Variants in MSRA observed in about 807,000 individuals in gnomAD.
MSRA encodes the protein methionine sulfoxide reductase A, also known as mitochondrial peptide methionine sulfoxide reductase.
A neutral mutation model predicts 31.3 loss-of-function variants in MSRA; 54 were observed. That is an observed-to-expected ratio of 1.73 (90% CI 1.39 to 2.17). The LOEUF (loss-of-function observed/expected upper bound fraction) is 2.17. Ranked by LOEUF, MSRA falls within the 30% of genes most tolerant of loss-of-function variation. The probability of loss-of-function intolerance (pLI) is 0.00; values close to 1 mark genes in which losing one functional copy is unlikely to be tolerated. For synonymous variants in MSRA, 169 were observed against 116.5 expected (o/e 1.45, Z -2.90); for missense variants, 507 against 300.9 (o/e 1.69, Z -5.07).
chr8:10,427,587 C>A lies in MSRA; in HGVS notation c.544-561C>A, dbSNP rs929986534. 2.6e-5 allele frequency among the ~76,000 whole-genome samples: 4 copies of A among 152,146 alleles called. No individual in the cohort carries two copies. In the East Asian group the frequency reaches 7.7e-4, roughly 29 times the overall value. ...AGGGTCCTTCTCCCCAGAGCCACAG[C>A]GAGTGAGGGGACACTCTGTCTATCC... On this transcript the variant is annotated intron_variant, in intron 5 of 5. Transcript: ENST00000317173.
chr8:10,280,630 C>T (rs1014222566), intron 3 of MSRA, among the ~76,000 whole-genome samples: 2 of 152,166 alleles, frequency 1.3e-5, no homozygotes, highest in African/African-American at 4.8e-5. Context: ...AAAGGTTAAA[C>T]ATAGGGTTAG....
At chr8:10,057,014 A>G (rs2128910015) in intron 1 of MSRA, among the ~76,000 whole-genome samples, 1 of 152,292 alleles carries the variant, frequency 6.6e-6, no homozygotes, top group East Asian at 1.9e-4. Context: ...TACCATTTTT[A>G]TATTCTTAAG....
chr8:10,404,245 G>A (rs554224897), intron 5 of MSRA, among the ~76,000 whole-genome samples: 2 of 152,206 alleles, frequency 1.3e-5, no homozygotes, highest in African/African-American at 2.4e-5. Flanking sequence ...TAGCAAGGCA[G>A]GGACCTTCCC....
chr8:10,141,966 T>C (rs57483394), intron 1 of MSRA, among the ~76,000 whole-genome samples: 2,704 of 152,284 alleles, frequency 0.018, 68 homozygotes, highest in African/African-American at 0.059. Flanking sequence ...TTTTTTTGTT[T>C]GTTTGTTTGG....
intron 5 of MSRA, among the ~76,000 whole-genome samples, chr8:10,324,174 G>C (rs996286442): frequency 6.6e-6 from 1 of 152,198 alleles, no homozygotes; most frequent in Admixed American, 6.5e-5. Context: ...TTGAGCACTT[G>C]AAATAGTGGC....
chr8:10,083,139 AT>A lies in MSRA; in HGVS notation c.142+28488del, dbSNP rs537635238. On this transcript the variant is annotated intron_variant, in intron 1 of 5. Transcript: ENST00000317173. ...CTCATCCAACTTATCACTCAGATACATTTTTTTCTGTGTTAAAAATATAAAG... is the reference window on the plus strand; with the variant it reads ...CTCATCCAACTTATCACTCAGATACATTTTTTCTGTGTTAAAAATATAAAG... Among the ~76,000 whole-genome samples the A allele has an allele frequency of 5.9e-5, 9 of 152,204 alleles. 1 individual carries two copies. The South Asian group carries it at 1.2e-3, about 21-fold the overall frequency.
intron 4 of MSRA, 30 bp downstream of exon 4, chr8:10,301,668 T>A (rs752379245): frequency 6.5e-7 from 1 of 1,546,810 alleles, no homozygotes; most frequent in Non-Finnish European, 8.9e-7. Flanking sequence ...AGTATTTAAT[T>A]ATCTTACTAA....
chr8:10,339,557 T>C (rs1288634121), intron 5 of MSRA, among the ~76,000 whole-genome samples: 6 of 37,084 alleles, frequency 1.6e-4, no homozygotes, highest in Admixed American at 4.3e-4. Context: ...TTTTTTTTTT[T>C]CTGAGACGGA....
intron 1 of MSRA, among the ~76,000 whole-genome samples, chr8:10,176,525 G>A (rs939789031): frequency 6.6e-6 from 1 of 152,220 alleles, no homozygotes; most frequent in Non-Finnish European, 1.5e-5. Context: ...CTTCATGGTA[G>A]GGTCCAGGGC....
chr8:10,363,508 G>C (rs1024922874), intron 5 of MSRA, among the ~76,000 whole-genome samples: 3 of 152,072 alleles, frequency 2.0e-5, no homozygotes, highest in Non-Finnish European at 4.4e-5. Flanking sequence ...AGGCCCTACC[G>C]TGCCTGTCTT....
chr8:10,063,768 C>G (rs1432885544), intron 1 of MSRA, among the ~76,000 whole-genome samples: 2 of 152,230 alleles, frequency 1.3e-5, no homozygotes, highest in African/African-American at 2.4e-5. Context: ...GCGCTTTGAT[C>G]TTGGACTTCC....
chr8:10,375,488 T>C (rs1805707612), intron 5 of MSRA, among the ~76,000 whole-genome samples: 1 of 152,192 alleles, frequency 6.6e-6, no homozygotes, highest in Non-Finnish European at 1.5e-5. Flanking sequence ...GCCAGTGGCC[T>C]GTGGGTGCCT....
chr8:10,190,005 T>C (rs944701511), intron 1 of MSRA, among the ~76,000 whole-genome samples: 3 of 152,200 alleles, frequency 2.0e-5, no homozygotes, highest in African/African-American at 7.2e-5. Flanking sequence ...GATTTGTATC[T>C]TTTGAAGTGT....
chr8:10,191,926 C>T (rs1330323034), intron 1 of MSRA, among the ~76,000 whole-genome samples: 5 of 152,140 alleles, frequency 3.3e-5, no homozygotes, highest in African/African-American at 1.2e-4. Flanking sequence ...TCTTAGGTCA[C>T]GATTGTGGGC....
At chr8:10,164,062 T>G (rs1011568909) in intron 1 of MSRA, among the ~76,000 whole-genome samples, 2 of 152,246 alleles carry the variant, frequency 1.3e-5, no homozygotes, top group African/African-American at 4.8e-5. Flanking sequence ...TTCTCTTAAG[T>G]TTTTCTTTTC....
At chr8:10,253,959 G>C (rs1268687346) in intron 3 of MSRA, among the ~76,000 whole-genome samples, 1 of 152,158 alleles carries the variant, frequency 6.6e-6, no homozygotes, top group East Asian at 1.9e-4. Context: ...GCTCGTCATG[G>C]GAGTGAAGCA....
intron 5 of MSRA, among the ~76,000 whole-genome samples, chr8:10,394,093 T>A (rs765521718): frequency 6.6e-6 from 1 of 152,244 alleles, no homozygotes; most frequent in Admixed American, 6.5e-5. Flanking sequence ...CTAGACGGCA[T>A]CTGCGTCTTG....
chr8:10,405,574 A>C (rs1210111766), intron 5 of MSRA, among the ~76,000 whole-genome samples: 1 of 152,138 alleles, frequency 6.6e-6, no homozygotes, highest in Non-Finnish European at 1.5e-5. Context: ...TTGGACTACT[A>C]AGGACCCCAT....
intron 5 of MSRA, among the ~76,000 whole-genome samples, chr8:10,379,529 C>G (rs1390172058): frequency 6.6e-6 from 1 of 152,174 alleles, no homozygotes; most frequent in Non-Finnish European, 1.5e-5. Context: ...GCATCCTGGT[C>G]TCCCAGCAGG....
Sources: allele counts gnomAD v4.1 joint callset (sites outside exome capture counted in the v4.1 genomes callset), GRCh38; gene constraint gnomAD v4.1.1; transcripts MANE v1.5; gene names NCBI Gene and HGNC (gene_info 2026-07-23, HGNC 2026-07-21).